WDR5: variants seen among roughly 807,000 people sequenced by gnomAD.
The protein encoded by WDR5 is WD repeat-containing protein 5.
For missense variants in WDR5, 187 were observed against 416.9 expected, an observed-to-expected ratio of 0.45 and a Z score of 4.80; for synonymous variants, 144 against 161.6, an observed-to-expected ratio of 0.89 and a Z score of 0.83.
intron 11 of WDR5, 35 bp downstream of exon 11, chr9:134,155,408 C>T (rs1388890434): frequency 5.1e-6 from 8 of 1,583,600 alleles, no homozygotes; most frequent in African/African-American, 1.4e-5. Context: ...CCATGGTGCA[C>T]CATCCCTGGG....
chr9:134,153,675 G>T (rs569613113), intron 9 of WDR5, among the ~76,000 whole-genome samples: 3 of 152,176 alleles, frequency 2.0e-5, no homozygotes, highest in Admixed American at 6.5e-5. Flanking sequence ...AGGCGTCCCC[G>T]TGGTGGTAAT....
At chr9:134,156,419 G>C in intron 12 of WDR5, 87 bp from the exon 13 acceptor site, 10 of 1,351,098 alleles carry the variant, frequency 7.4e-6, no homozygotes, top group Non-Finnish European at 1.1e-5. Context: ...CGTGGGGCAG[G>C]GCATAACTGG....
At position 134,139,967 on chromosome 9, in the gene WDR5, C is replaced by A. The variant is rs1471466513; in HGVS notation, c.81+9C>A. ...CCGCCACTCAGAGCAAGGTGCGTGCCCAGGGGCCCCTTGGACACCTTCCGG... is the reference window on the plus strand; with the variant it reads ...CCGCCACTCAGAGCAAGGTGCGTGCACAGGGGCCCCTTGGACACCTTCCGG... On this transcript the variant is annotated intron_variant, in intron 2 of 13. Coordinates refer to ENST00000358625, the MANE Select transcript of WDR5 (RefSeq NM_017588.3). The A allele has an allele frequency of 6.2e-7, 1 of 1,613,600 alleles. No individual in the cohort carries two copies. The highest frequency in any genetic ancestry group is 8.5e-7 in the Non-Finnish European group (1 of 1,179,974).
At chr9:134,137,248 G>T (rs1365847682) in intron 1 of WDR5, among the ~76,000 whole-genome samples, 2 of 152,086 alleles carry the variant, frequency 1.3e-5, no homozygotes, top group African/African-American at 4.8e-5. Context: ...GCTAGGAGGA[G>T]CCAGGCAGCA....
intron 7 of WDR5, among the ~76,000 whole-genome samples, chr9:134,145,096 G>GTTGTTTTTTTTTTTTTTTTTTT: frequency 9.5e-6 from 1 of 104,720 alleles, no homozygotes; most frequent in African/African-American, 3.4e-5. Flanking sequence ...GTGGGGCTTT[G>GTTGTTTTTTTTTTTTTTTTTTT]TTTTTTTTTT....
At chr9:134,151,651 G>C (rs1832492577) in intron 8 of WDR5, among the ~76,000 whole-genome samples, 1 of 152,208 alleles carries the variant, frequency 6.6e-6, no homozygotes, top group African/African-American at 2.4e-5. Context: ...CTGGGCTGCT[G>C]CTGCCCCTCT....
At position 134,136,542 on chromosome 9, in the gene WDR5, C is replaced by T. The variant is rs186830300; in HGVS notation, c.-59+342C>T. On this transcript the variant is annotated intron_variant, in intron 1 of 13. Transcript: ENST00000358625. ...CATCGCCCCTCTCCCTCCACTGCCC[C>T]TTCAGGGAAGGACCCCAGACCCACC... is the stretch of plus-strand genomic sequence containing the variant. Among the ~76,000 whole-genome samples, 997 of 152,308 alleles carry T rather than the reference C, an allele frequency of 6.5e-3. 25 individuals are homozygous for T. The highest frequency in any genetic ancestry group is 4.8e-3 in the Non-Finnish European group (325 of 68,020).
chr9:134,140,649 C>T, intron 2 of WDR5, 54 bp from the exon 3 acceptor site: 1 of 1,475,012 alleles, frequency 6.8e-7, no homozygotes, highest in Non-Finnish European at 9.5e-7. Flanking sequence ...CCAAACTGGT[C>T]ACGGGTGGAA....
chr9:134,135,609 T>TG (rs1219063418), upstream of WDR5: 1 of 151,926 alleles, frequency 6.6e-6, no homozygotes, highest in Non-Finnish European at 1.5e-5. Flanking sequence ...GGAGGCCACA[T>TG]GGGGGCACTG....
intron 9 of WDR5, 145 bp downstream of exon 9, chr9:134,152,174 T>TC: frequency 1.0e-6 from 1 of 957,306 alleles, no homozygotes; most frequent in Non-Finnish European, 1.5e-6. Flanking sequence ...GTCCGACCGT[T>TC]CCGCCAGCTC....
Position 134,158,044 on chromosome 9 carries a change from G to GGT in WDR5, c.*51_*52insGT. ...ACTGTCGGGAAGTTGACCCGGATTG[G>GGT]CAAGAAACAGGGTGTCTTGGAGGTG... is the stretch of plus-strand genomic sequence containing the variant. On this transcript the variant is annotated 3_prime_UTR_variant, in exon 14 of 14. Coordinates refer to ENST00000358625, the MANE Select transcript of WDR5 (RefSeq NM_017588.3). 6.4e-7 allele frequency: 1 copy of GGT among 1,557,404 alleles called. No homozygotes were observed. Among genetic ancestry groups the GGT allele is most frequent in the Non-Finnish European group, 8.9e-7 (1 of 1,129,766 alleles).
rs538980773 is a variant in WDR5, at chr9:134,155,379, C to A, written c.741+6C>A. On this transcript the variant is annotated splice_donor_region_variant and intron_variant, in intron 11 of 13. Coordinates refer to ENST00000358625, the MANE Select transcript of WDR5 (RefSeq NM_017588.3). ...GGGACTACAGCAAGGGGAAGGTGAGCCCCCGCAGGCTTGGGCCCCCATGGT... is the reference window on the plus strand; with the variant it reads ...GGGACTACAGCAAGGGGAAGGTGAGACCCCGCAGGCTTGGGCCCCCATGGT... 2.2e-5 allele frequency: 36 copies of A among 1,604,406 alleles called. No individual in the cohort carries two copies. In the East Asian group the frequency reaches 6.1e-4, roughly 27 times the overall value.
chr9:134,140,214 A>G (rs531122182), intron 2 of WDR5, among the ~76,000 whole-genome samples: 3 of 152,344 alleles, frequency 2.0e-5, no homozygotes, highest in Non-Finnish European at 2.9e-5. Context: ...TGTAGGAACC[A>G]GAAAACATCT....
chr9:134,154,346 T>C, intron 9 of WDR5, 120 bp from the exon 10 acceptor site: 1 of 1,000,100 alleles, frequency 1.0e-6, no homozygotes, highest in Non-Finnish European at 1.6e-6. Context: ...GTGCTGGCAC[T>C]GATGGTGGTG....
At position 134,136,798 on chromosome 9, in the gene WDR5, CCAAA is replaced by C. The variant is rs773657120; in HGVS notation, c.-59+601_-59+604del. Among the ~76,000 whole-genome samples the C allele has an allele frequency of 4.6e-5, 7 of 152,178 alleles. No individual in the cohort carries two copies. In the South Asian group the frequency reaches 6.2e-4, roughly 14 times the overall value. On this transcript the variant is annotated intron_variant, in intron 1 of 13. Coordinates refer to ENST00000358625, the MANE Select transcript of WDR5 (RefSeq NM_017588.3). ...CATTTTGAGCGGTTACGTTCCCGGACCAAACAGAGGTCGGCCTGTTACATCGCTA... is the reference window on the plus strand; with the variant it reads ...CATTTTGAGCGGTTACGTTCCCGGACCAGAGGTCGGCCTGTTACATCGCTA...
At chr9:134,154,719 C>G (rs934142782) in intron 10 of WDR5, among the ~76,000 whole-genome samples, 178 bp downstream of exon 10, 1 of 152,210 alleles carries the variant, frequency 6.6e-6, no homozygotes, top group Non-Finnish European at 1.5e-5. Context: ...CCCCGTCCAT[C>G]CCTTCCCGAG....
At chr9:134,151,917 C>G (rs1158505920) in intron 8 of WDR5, 66 bp from the exon 9 acceptor site, 2 of 1,530,010 alleles carry the variant, frequency 1.3e-6, no homozygotes, top group Non-Finnish European at 1.8e-6. Flanking sequence ...TTATATCTGA[C>G]TCCCAGCAGC....
intron 9 of WDR5, 152 bp from the exon 10 acceptor site, chr9:134,154,314 T>A (rs969978970): frequency 3.7e-6 from 3 of 805,754 alleles, no homozygotes; most frequent in Non-Finnish European, 6.4e-6. Flanking sequence ...TAGGCCACCC[T>A]TCGGGGCGGC....
intron 8 of WDR5, among the ~76,000 whole-genome samples, chr9:134,149,673 G>A (rs899109922): frequency 2.0e-5 from 3 of 152,198 alleles, no homozygotes; most frequent in Non-Finnish European, 4.4e-5. Flanking sequence ...GTATACCAAG[G>A]AAATTAGGAG....
Sources: allele counts gnomAD v4.1 joint callset (sites outside exome capture counted in the v4.1 genomes callset), GRCh38; gene constraint gnomAD v4.1.1; transcripts MANE v1.5; gene names NCBI Gene and HGNC (gene_info 2026-07-23, HGNC 2026-07-21).